Variants in STPG2 observed in about 807,000 individuals in gnomAD.
The protein encoded by STPG2 is sperm tail PG-rich repeat containing 2, also known as sperm-tail PG-rich repeat-containing protein 2.
Under a neutral mutation model 54.2 loss-of-function variants are expected in STPG2, and 56 were observed. The observed-to-expected ratio is 1.03, with a 90% CI of 0.83 to 1.29. STPG2 has a LOEUF of 1.29. STPG2 is among the 50% of genes most tolerant of loss of function. STPG2 has a pLI of 0.00. For missense variants in STPG2, 596 were observed against 544.9 expected (o/e 1.09, Z -0.93); for synonymous variants, 200 against 181.8 (o/e 1.10, Z -0.81).
At chr4:97,973,882 T>C (rs572138535) in intron 6 of STPG2, among the ~76,000 whole-genome samples, 1 of 152,234 alleles carries the variant, frequency 6.6e-6, no homozygotes, top group East Asian at 1.9e-4. Flanking sequence ...AGAAGGAAAA[T>C]GTGCAGTTAG....
At chr4:97,519,094 G>A (rs914419996) in intron 4 of STPG2, among the ~76,000 whole-genome samples, 4 of 151,950 alleles carry the variant, frequency 2.6e-5, no homozygotes, top group Non-Finnish European at 4.4e-5. Context: ...TAAAAACAGT[G>A]GTTTAGATTT....
intron 9 of STPG2, among the ~76,000 whole-genome samples, chr4:97,737,417 T>C (rs1208514712): frequency 6.6e-6 from 1 of 152,166 alleles, no homozygotes; most frequent in Non-Finnish European, 1.5e-5. Context: ...TACTCCGAGC[T>C]ACAGGAGGAA....
intron 4 of STPG2, among the ~76,000 whole-genome samples, chr4:97,538,138 TCTC>T (rs1398359899): frequency 5.9e-5 from 9 of 152,228 alleles, no homozygotes; most frequent in African/African-American, 1.9e-4. Flanking sequence ...TCAGATTGCC[TCTC>T]CTCCTCCAAA....
chr4:97,517,633 T>C (rs1731102213), intron 4 of STPG2, among the ~76,000 whole-genome samples: 1 of 151,064 alleles, frequency 6.6e-6, no homozygotes, highest in Non-Finnish European at 1.5e-5. Context: ...CCAACAAATT[T>C]TATTTATTAC....
chr4:97,738,832 G>T (rs1331046789), intron 9 of STPG2, among the ~76,000 whole-genome samples: 1 of 152,046 alleles, frequency 6.6e-6, no homozygotes, highest in Non-Finnish European at 1.5e-5. Flanking sequence ...GGATACCCAG[G>T]AATTGAACTC....
intron 8 of STPG2, among the ~76,000 whole-genome samples, chr4:97,899,470 AT>A (rs2149184027): frequency 6.6e-6 from 1 of 151,958 alleles, no homozygotes; most frequent in East Asian, 1.9e-4. Flanking sequence ...TAGAAAAAAA[AT>A]TTTAAAATTC....
chr4:97,913,669 A>G lies in STPG2; in HGVS notation c.1044+30228T>C, dbSNP rs143941856. 2.6e-3 allele frequency among the ~76,000 whole-genome samples: 397 copies of G among 152,288 alleles called. 3 individuals are homozygous for G. Among genetic ancestry groups the G allele is most frequent in the African/African-American group, 8.9e-3 (371 of 41,580 alleles). Reference sequence around the variant, plus strand: ...ACACACACCTCCACATTATGGAATAAAGAGTAAAAATCCTCATTCCTTATA... The same window carrying G: ...ACACACACCTCCACATTATGGAATAGAGAGTAAAAATCCTCATTCCTTATA... On this transcript the variant is annotated intron_variant, in intron 8 of 10. Coordinates refer to ENST00000295268, the MANE Select transcript of STPG2 (RefSeq NM_174952.3).
intron 9 of STPG2, among the ~76,000 whole-genome samples, chr4:97,750,081 G>A (rs113586909): frequency 6.6e-6 from 1 of 151,938 alleles, no homozygotes; most frequent in African/African-American, 2.4e-5. Context: ...ATTATTATGA[G>A]TTATCAGAAA....
intron 9 of STPG2, among the ~76,000 whole-genome samples, chr4:97,827,336 C>T (rs900820840): frequency 1.4e-4 from 21 of 150,696 alleles, no homozygotes; most frequent in Admixed American, 5.3e-4. Context: ...CCCGGGTTCA[C>T]GCCATTCTCC....
At chr4:97,895,118 A>G (rs1730909467) in intron 8 of STPG2, among the ~76,000 whole-genome samples, 1 of 151,852 alleles carries the variant, frequency 6.6e-6, no homozygotes, top group Admixed American at 6.6e-5. Flanking sequence ...CAATCTAGAT[A>G]TAGGGCCAAG....
At chr4:97,965,920 C>T (rs1250206077) in intron 7 of STPG2, among the ~76,000 whole-genome samples, 1 of 152,182 alleles carries the variant, frequency 6.6e-6, no homozygotes, top group African/African-American at 2.4e-5. Context: ...GAAACCAAAG[C>T]AGAAAAGCTG....
intron 10 of STPG2, among the ~76,000 whole-genome samples, chr4:97,664,541 C>T (rs564520227): frequency 6.6e-6 from 1 of 152,254 alleles, no homozygotes; most frequent in Admixed American, 6.5e-5. Context: ...TCTCAGTCAC[C>T]AGACACTATT....
intron 8 of STPG2, among the ~76,000 whole-genome samples, chr4:97,863,863 C>T (rs1729657274): frequency 6.6e-6 from 1 of 152,106 alleles, no homozygotes; most frequent in African/African-American, 2.4e-5. Flanking sequence ...ATGATTATCT[C>T]AATAGATGCA....
intron 8 of STPG2, among the ~76,000 whole-genome samples, chr4:97,899,315 A>T (rs1177817115): frequency 6.6e-6 from 1 of 151,994 alleles, no homozygotes; most frequent in Non-Finnish European, 1.5e-5. Flanking sequence ...GCTCACAGAA[A>T]TCAGAGAAGA....
chr4:98,034,627 G>T (rs1192293319), intron 5 of STPG2, among the ~76,000 whole-genome samples: 1 of 152,104 alleles, frequency 6.6e-6, no homozygotes, highest in African/African-American at 2.4e-5. Flanking sequence ...CCAAAAAAGA[G>T]CCCTCATAGA....
intron 5 of STPG2, among the ~76,000 whole-genome samples, chr4:98,066,359 C>T (rs1254551057): frequency 2.0e-5 from 3 of 152,150 alleles, no homozygotes; most frequent in Non-Finnish European, 4.4e-5. Flanking sequence ...GAGGCTGAGG[C>T]GGGTGGATCA....
At chr4:97,752,313 A>G (rs1389846746) in intron 9 of STPG2, among the ~76,000 whole-genome samples, 2 of 151,826 alleles carry the variant, frequency 1.3e-5, no homozygotes, top group African/African-American at 4.8e-5. Context: ...ATATTCTGTC[A>G]TAATGAAGCA....
At chr4:98,110,347 T>C (rs1438271181) in intron 3 of STPG2, among the ~76,000 whole-genome samples, 1 of 152,156 alleles carries the variant, frequency 6.6e-6, no homozygotes, top group Non-Finnish European at 1.5e-5. Context: ...GTTGCGCGAA[T>C]GGGCTCACAC....
intron 10 of STPG2, among the ~76,000 whole-genome samples, chr4:97,666,973 C>A (rs1460944533): frequency 1.3e-5 from 2 of 152,160 alleles, no homozygotes; most frequent in African/African-American, 4.8e-5. Flanking sequence ...TCATTGTGAC[C>A]ACCTCCACTA....
Sources: gnomAD v4.1 joint callset for allele counts (sites outside exome capture counted in the v4.1 genomes callset) on GRCh38, gnomAD v4.1.1 for gene constraint, MANE v1.5 for transcripts, NCBI Gene and HGNC (gene_info 2026-07-23, HGNC 2026-07-21) for gene names.